C11orf58: variants seen among roughly 807,000 people sequenced by gnomAD.
The protein encoded by C11orf58 is chromosome 11 open reading frame 58.
Under a neutral mutation model 22.7 loss-of-function variants are expected in C11orf58, and 5 were observed. The ratio of observed to expected loss-of-function variants is 0.22; its 90% CI spans 0.12 to 0.46. The LOEUF (loss-of-function observed/expected upper bound fraction) is 0.46. Ranked by LOEUF, C11orf58 falls within the 20% of genes least tolerant of loss-of-function variation. C11orf58 has a pLI of 0.99. For missense variants in C11orf58, 151 were observed against 223.3 expected (o/e 0.68, Z 2.06); for synonymous variants, 71 against 70.7 (o/e 1.00, Z -0.02).
At chr11:16,749,287 C>T (rs1202298110) in intron 3 of C11orf58, 1 of 152,158 alleles carries the variant, frequency 6.6e-6, no homozygotes, top group East Asian at 1.9e-4. Context: ...TTAAATTATG[C>T]TAACACAGCA....
At position 16,757,025 on chromosome 11, in the gene C11orf58, A is replaced by C. The variant is rs2134078146; in HGVS notation, c.*1921A>C. ...TATTTATTTCATGTATCAGACCCCA[A>C]AGTTGTTGCCTTGTTATTTTTTTAA... On this transcript the variant is annotated 3_prime_UTR_variant, in exon 5 of 5. Transcript: ENST00000228136. 1 of 152,188 alleles carries C rather than the reference A, an allele frequency of 6.6e-6. No homozygotes were observed. Among genetic ancestry groups the C allele is most frequent in the Non-Finnish European group, 1.5e-5 (1 of 67,998 alleles). 9.4% of individuals were successfully genotyped at this position (152,188 alleles called of 1,614,324 possible).
chr11:16,744,806 T>C, intron 2 of C11orf58, 122 bp downstream of exon 2: 1 of 913,938 alleles, frequency 1.1e-6, no homozygotes, highest in Non-Finnish European at 1.6e-6. Context: ...TGATTTCTTT[T>C]GGCTTTGGGA....
intron 3 of C11orf58, chr11:16,748,573 TAA>T (rs10690437): frequency 2.3e-4 from 25 of 107,320 alleles, no homozygotes; most frequent in Non-Finnish European, 2.0e-4. Context: ...GTGTCTCTAC[TAA>T]AAAAAAAAAA....
chr11:16,753,873 AT>A, intron 4 of C11orf58: 5 of 492,294 alleles, frequency 1.0e-5, no homozygotes, highest in South Asian at 3.2e-5. Context: ...TAATTTTTGT[AT>A]TTTTTGTAGA....
Position 16,755,309 on chromosome 11 carries a change from A to G in C11orf58, c.*205A>G. ...CATTTTTGTAAAGAGTAAGAGTTGT[A>G]TAAAATAAGAAATAAATACAGTACT... On this transcript the variant is annotated 3_prime_UTR_variant, in exon 5 of 5. Coordinates refer to ENST00000228136, the MANE Select transcript of C11orf58 (RefSeq NM_014267.6). 1 of 476,626 alleles carries G rather than the reference A, an allele frequency of 2.1e-6. No individual in the cohort carries two copies. The highest frequency in any genetic ancestry group is 3.6e-6 in the Non-Finnish European group (1 of 276,474). The allele number at this position is 476,626 out of a possible 1,614,324, so 29.5% of individuals were successfully genotyped here. A position where few individuals can be genotyped will look rare whatever the true frequency, so the allele number is the denominator to read the frequency against.
intron 3 of C11orf58, chr11:16,750,111 C>G (rs955300025): frequency 6.6e-6 from 1 of 152,140 alleles, no homozygotes; most frequent in East Asian, 1.9e-4. Flanking sequence ...TCTAATACTG[C>G]CAACAAAGAG....
chr11:16,739,091 C>A (rs1046335019), intron 1 of C11orf58, among the ~76,000 whole-genome samples: 11 of 152,060 alleles, frequency 7.2e-5, no homozygotes, highest in African/African-American at 2.7e-4. Flanking sequence ...CTGAGAGGGT[C>A]GAGGAGTGAA....
intron 2 of C11orf58, chr11:16,746,612 G>A (rs1195723745): frequency 1.3e-5 from 2 of 152,198 alleles, no homozygotes; most frequent in Admixed American, 6.5e-5. Context: ...ACTTATTCAA[G>A]TACTTAGGAA....
chr11:16,745,517 A>C, intron 2 of C11orf58, among the ~76,000 whole-genome samples: 1 of 152,230 alleles, frequency 6.6e-6, no homozygotes, highest in East Asian at 1.9e-4. Context: ...AAGGAAGAGA[A>C]AATAATTGAC....
intron 1 of C11orf58, chr11:16,739,656 G>A (rs1848429261): frequency 6.6e-6 from 1 of 152,160 alleles, no homozygotes; most frequent in South Asian, 2.1e-4. Flanking sequence ...CATGGAAACG[G>A]TAGGTAACCA....
At chr11:16,745,879 A>G (rs1391154050) in intron 2 of C11orf58, among the ~76,000 whole-genome samples, 1 of 152,224 alleles carries the variant, frequency 6.6e-6, no homozygotes, top group Admixed American at 6.5e-5. Flanking sequence ...TCTTTTTTTA[A>G]GCACATTAAA....
At chr11:16,752,629 A>T in intron 3 of C11orf58, 156 bp from the exon 4 acceptor site, 1 of 433,008 alleles carries the variant, frequency 2.3e-6, no homozygotes, top group Non-Finnish European at 4.0e-6. Context: ...TTTATTTTCT[A>T]TTAGGTAACC....
At chr11:16,749,325 A>T (rs1848513019) in intron 3 of C11orf58, 6 of 152,226 alleles carry the variant, frequency 3.9e-5, no homozygotes, top group Admixed American at 3.9e-4. Context: ...AAATTCATAG[A>T]TCTTTTATTT....
Position 16,738,659 on chromosome 11 carries a change from G to A in C11orf58, c.-120G>A. Reference sequence around the variant, plus strand: ...TGACGACTGTGGCAGAGAAGGCCCGGAGGGGCTCTGCGTTCTGTAGTGGCG... The same window carrying A: ...TGACGACTGTGGCAGAGAAGGCCCGAAGGGGCTCTGCGTTCTGTAGTGGCG... On this transcript the variant is annotated 5_prime_UTR_variant, in exon 1 of 5. Transcript: ENST00000228136. 8.7e-7 allele frequency: 1 copy of A among 1,143,778 alleles called. No homozygotes were observed. Among genetic ancestry groups the A allele is most frequent in the Non-Finnish European group, 1.3e-6 (1 of 761,908 alleles). 70.9% of individuals were successfully genotyped at this position (1,143,778 alleles called of 1,614,324 possible).
chr11:16,757,702 A>ACTT lies in C11orf58; in HGVS notation c.*2599_*2601dup, dbSNP rs1458441189. On this transcript the variant is annotated 3_prime_UTR_variant, in exon 5 of 5. Transcript: ENST00000228136. ...TGGCAACTTTTCCATATCATTCATG[A>ACTT]CTTAATACCTGAAATGCACTTTTAA... Among the ~76,000 whole-genome samples, 1 of 152,204 alleles carries ACTT rather than the reference A, an allele frequency of 6.6e-6. No homozygotes were observed. The highest frequency in any genetic ancestry group is 1.5e-5 in the Non-Finnish European group (1 of 68,022).
intron 4 of C11orf58, among the ~76,000 whole-genome samples, chr11:16,754,594 G>A (rs1368263387): frequency 1.3e-5 from 1 of 79,166 alleles, no homozygotes; most frequent in Non-Finnish European, 2.4e-5. Flanking sequence ...TTAAGAGACA[G>A]GGTCTCACTA....
chr11:16,748,519 G>T (rs548796616), intron 3 of C11orf58: 6 of 149,220 alleles, frequency 4.0e-5, no homozygotes, highest in South Asian at 2.0e-4. Flanking sequence ...GAGGTGGGCC[G>T]ATCACTTGAG....
chr11:16,748,140 C>T lies in C11orf58; in HGVS notation c.191C>T (p.Thr64Ile), dbSNP rs745815569. The part of the protein sequence containing the change: ...GRLVIGDHKS[T>I]SHFRTGEEDK... The stretch of plus-strand genomic sequence containing the variant: ...CTTGTTATAGGAGATCACAAATCAA[C>T]ATCTCACTTCCGAACCGGTAAGAAA... The change falls in exon 3 of 5, where the codon ACA becomes ATA. Residue 64 changes from threonine to isoleucine, a missense_variant. Around this residue, in one of 3 missense-constraint regions of C11orf58, gnomAD observed 112 missense variants for 162.6 expected, o/e 0.69. Coordinates refer to ENST00000228136, the MANE Select transcript of C11orf58 (RefSeq NM_014267.6). The T allele has an allele frequency of 2.5e-6, 4 of 1,612,858 alleles. No individual in the cohort carries two copies. The highest frequency in any genetic ancestry group is 3.4e-6 in the Non-Finnish European group (4 of 1,179,032).
intron 3 of C11orf58, chr11:16,750,432 C>G (rs1160494342): frequency 6.6e-6 from 1 of 152,236 alleles, no homozygotes; most frequent in African/African-American, 2.4e-5. Context: ...ATTGCTAAAG[C>G]TAAGAAGGCC....
Sources: gnomAD v4.1 joint callset for allele counts (sites outside exome capture counted in the v4.1 genomes callset) on GRCh38, gnomAD v4.1.1 for gene constraint, gnomAD v4.1.1 regional missense constraint, MANE v1.5 for transcripts, NCBI Gene and HGNC (gene_info 2026-07-23, HGNC 2026-07-21) for gene names.